ZNF768: variants seen among roughly 807,000 people sequenced by gnomAD.
ZNF768 encodes the protein zinc finger protein 768.
A neutral mutation model predicts 39.7 loss-of-function variants in ZNF768; 12 were observed. The ratio of observed to expected loss-of-function variants is 0.30; its 90% confidence interval spans 0.19 to 0.49. The LOEUF (loss-of-function observed/expected upper bound fraction) is 0.49, where lower values mean the gene tolerates loss of function less well. Ranked by LOEUF, ZNF768 falls within the 20% of genes least tolerant of loss-of-function variation. ZNF768 has a pLI of 0.99. For missense variants in ZNF768, 613 were observed against 723.2 expected, an observed-to-expected ratio of 0.85 and a Z score of 1.75; for synonymous variants, 360 against 288.4, an observed-to-expected ratio of 1.25 and a Z score of -2.52.
chr16:30,527,130 G>A, upstream of ZNF768: 1 of 985,350 alleles, frequency 1.0e-6, no homozygotes, highest in Non-Finnish European at 1.2e-6. Flanking sequence ...CGCCAGCGGG[G>A]GCGGTGTCTC....
rs768583807 is a variant in ZNF768 at position 30,525,036 on chromosome 16, G to A, written c.1104C>T (p.Ser368=). The change falls in exon 2 of 2, where the codon AGC becomes AGT. Residue 368 remains serine, a synonymous_variant. Transcript: ENST00000380412. ...SYLLRHQRTH[S]HERPYSCTEC... is the part of the protein sequence containing the mutation. ...CGGTGCAGCTGTAGGGCCGCTCGTG[G>A]CTGTGGGTGCGCTGGTGTCGCAGGA... 2 of 1,613,684 alleles carry A rather than the reference G, an allele frequency of 1.2e-6. No individual in the cohort carries two copies. The highest frequency in any genetic ancestry group is 1.7e-6 in the Non-Finnish European group (2 of 1,179,960).
Position 30,524,477 on chromosome 16 carries a change from A to G in ZNF768, c.*40T>C, listed in dbSNP as rs2051301062. ...GGTTCCTCTAGCTCCCTGGCCCCTT[A>G]TCTTCTGCCCACACCTCCCACCCCT... is the stretch of plus-strand genomic sequence containing the variant. On this transcript the variant is annotated 3_prime_UTR_variant, in exon 2 of 2. Transcript: ENST00000380412. 1 of 1,569,942 alleles carries G rather than the reference A, an allele frequency of 6.4e-7. No homozygotes were observed. Among genetic ancestry groups the G allele is most frequent in the African/African-American group, 1.4e-5 (1 of 73,932 alleles).
upstream of ZNF768, chr16:30,526,832 G>C (rs1241830615): frequency 4.3e-5 from 26 of 599,332 alleles, 1 homozygote; most frequent in African/African-American, 5.7e-4. Flanking sequence ...GTCCGTCCGC[G>C]GCCAGGTCCC....
rs2051298418 is a variant in ZNF768 at position 30,524,255 on chromosome 16, C to G, written c.*262G>C. 2.0e-6 allele frequency: 1 copy of G among 496,302 alleles called. No individual in the cohort carries two copies. 30.7% of individuals were successfully genotyped at this position (496,302 alleles called of 1,614,324 possible). On this transcript the variant is annotated 3_prime_UTR_variant, in exon 2 of 2. Transcript: ENST00000380412. ...TAGCAGTTGCCAAGCCAGGCACCCA[C>G]CAAGGAGCCGCGGCTGAGGCCAGCC...
In ZNF768 at chr16:30,524,499, C is replaced by A. The variant is rs370156113; in HGVS notation, c.*18G>T. On this transcript the variant is annotated 3_prime_UTR_variant, in exon 2 of 2. Transcript: ENST00000380412. ...CTTATCTTCTGCCCACACCTCCCACCCCTGCTGGGGCCCCAGGTCAGCGCC... is the reference window on the plus strand; with the variant it reads ...CTTATCTTCTGCCCACACCTCCCACACCTGCTGGGGCCCCAGGTCAGCGCC... 18 of 1,595,656 alleles carry A rather than the reference C, an allele frequency of 1.1e-5. No individual in the cohort carries two copies. The highest frequency in any genetic ancestry group is 1.5e-5 in the Non-Finnish European group (18 of 1,174,342).
chr16:30,526,354 T>G lies in ZNF768; in HGVS notation c.60A>C (p.Glu20Asp), dbSNP rs1405302869. 1.9e-6 allele frequency: 3 copies of G among 1,608,302 alleles called. No homozygotes were observed. The African/African-American group carries it at 4.0e-5, about 22-fold the overall frequency. Reference protein sequence around the residue: ...LEPQDVQSSDEMRSPEGYLRG... With the variant: ...LEPQDVQSSDDMRSPEGYLRG... ...TGAGGTACCCTTCGGGGCTCCTCAT[T>G]TCGTCAGAACTCTGCACATCCTGGG... The change falls in exon 1 of 2, where the codon GAA becomes GAC. Residue 20 changes from glutamate to aspartate, a missense_variant. Physicochemically the swap from Glu to Asp is conservative, Grantham distance 45. Around this residue, in one of 4 missense-constraint regions of ZNF768, gnomAD observed 347 missense variants for 326.1 expected, o/e 1.06. Transcript: ENST00000380412.
chr16:30,526,014 C>T lies in ZNF768; in HGVS notation c.126G>A (p.Gln42=). 6.7e-7 allele frequency: 1 copy of T among 1,497,246 alleles called. No individual in the cohort carries two copies. Among genetic ancestry groups the T allele is most frequent in the Non-Finnish European group, 8.9e-7 (1 of 1,126,450 alleles). The allele number at this position is 1,497,246 out of a possible 1,614,324, so 92.7% of individuals were successfully genotyped here. Reference sequence around the variant, plus strand: ...CTTCATAGTCCCCACTGCCTTCTTGCTGAGAAATTTCCTCTTCCTCATTCT... The same window carrying T: ...CTTCATAGTCCCCACTGCCTTCTTGTTGAGAAATTTCCTCTTCCTCATTCT... ...MSENEEEEIS[Q]QEGSGDYEVE... is the part of the protein sequence containing the mutation. Residue 42 remains glutamine (Q), a synonymous_variant, in exon 2 of 2, where the codon CAG becomes CAA. Coordinates refer to ENST00000380412, the MANE Select transcript of ZNF768 (RefSeq NM_024671.4).
At chr16:30,529,366 C>T (rs982822718), upstream of ZNF768, among the ~76,000 whole-genome samples, 1 of 152,356 alleles carries the variant, frequency 6.6e-6, no homozygotes, top group Non-Finnish European at 1.5e-5. Context: ...CTGGCATGCC[C>T]AGCACTAGGG....
upstream of ZNF768, chr16:30,527,351 A>G (rs919963981): frequency 2.1e-6 from 2 of 969,900 alleles, no homozygotes; most frequent in Non-Finnish European, 2.5e-6. Context: ...CTCGAGGGCT[A>G]GGATAGTTGC....
Position 30,525,023 on chromosome 16 carries a change from A to G in ZNF768, c.1117T>C (p.Tyr373His). ...CACTTGCCGCACTCGGTGCAGCTGT[A>G]GGGCCGCTCGTGGCTGTGGGTGCGC... ...HQRTHSHERP[Y>H]SCTECGKCYS... The change falls in exon 2 of 2, where the codon TAC becomes CAC. Residue 373 changes from tyrosine to histidine, a missense_variant. Physicochemically the swap from Tyr to His is moderately conservative, Grantham distance 83. Around this residue, in one of 4 missense-constraint regions of ZNF768, gnomAD observed 204 missense variants for 281.7 expected, o/e 0.72. Coordinates refer to ENST00000380412, the MANE Select transcript of ZNF768 (RefSeq NM_024671.4). The G allele has an allele frequency of 6.2e-7, 1 of 1,614,114 alleles. No homozygotes were observed. Among genetic ancestry groups the G allele is most frequent in the Middle Eastern group, 1.6e-4 (1 of 6,062 alleles).
At position 30,524,879 on chromosome 16, in the gene ZNF768, G is replaced by C; in HGVS notation, c.1261C>G (p.Arg421Gly). 2.5e-6 allele frequency: 4 copies of C among 1,611,764 alleles called. No homozygotes were observed. The highest frequency in any genetic ancestry group is 3.4e-6 in the Non-Finnish European group (4 of 1,179,806). ...AAGGGCTTCTCCCGGGCGTGGCTGCGGGCATGGGGGATAAGGGCCGACCGC... is the reference window on the plus strand; with the variant it reads ...AAGGGCTTCTCCCGGGCGTGGCTGCCGGCATGGGGGATAAGGGCCGACCGC... Reference protein sequence around the residue: ...SQRSALIPHARSHAREKPFKC... With the variant: ...SQRSALIPHAGSHAREKPFKC... The change falls in exon 2 of 2, where the codon CGC (arginine) becomes GGC (glycine). Residue 421 changes from arginine (R) to glycine (G), a missense_variant. Arg to Gly is a moderately radical substitution (Grantham distance 125, BLOSUM62 -2). Coordinates refer to ENST00000380412, the MANE Select transcript of ZNF768 (RefSeq NM_024671.4).
Position 30,525,958 on chromosome 16 carries a change from T to G in ZNF768, c.182A>C (p.Gln61Pro). ...GCTTTGTGGCTCAAACCCAGGGCTCTGGGGTTCAAGCCCAAATGGTATCTC... is the reference window on the plus strand; with the variant it reads ...GCTTTGTGGCTCAAACCCAGGGCTCGGGGGTTCAAGCCCAAATGGTATCTC... ...VEEIPFGLEP[Q>P]SPGFEPQSPE... is the part of the protein sequence containing the mutation. Residue 61 changes from glutamine (Q) to proline (P), a missense_variant, in exon 2 of 2, where the codon CAG (glutamine) becomes CCG (proline). This residue lies in a region of ZNF768 where 347 missense variants were observed against 326.1 expected (regional missense o/e 1.06). Coordinates refer to ENST00000380412, the MANE Select transcript of ZNF768 (RefSeq NM_024671.4). The G allele has an allele frequency of 1.3e-6, 2 of 1,511,644 alleles. No homozygotes were observed. The highest frequency in any genetic ancestry group is 1.8e-6 in the Non-Finnish European group (2 of 1,133,046). The allele number at this position is 1,511,644 out of a possible 1,614,324, so 93.6% of individuals were successfully genotyped here.
upstream of ZNF768, among the ~76,000 whole-genome samples, chr16:30,530,118 C>T (rs746391745): frequency 3.3e-5 from 5 of 152,040 alleles, no homozygotes; most frequent in Non-Finnish European, 5.9e-5. This position sits in a 1 kb window ranked among gnomAD's most constrained non-coding sequence, Gnocchi z 4.4. Context: ...TGTGAGCCAC[C>T]ACGCCCGGCC....
At position 30,525,315 on chromosome 16, in the gene ZNF768, G is replaced by T. The variant is rs766752472; in HGVS notation, c.825C>A (p.Thr275=). 1 of 1,614,088 alleles carries T rather than the reference G, an allele frequency of 6.2e-7. No homozygotes were observed. The highest frequency in any genetic ancestry group is 1.3e-5 in the African/African-American group (1 of 74,936). Residue 275 remains threonine, a synonymous_variant, in exon 2 of 2, where the codon ACC becomes ACA. Coordinates refer to ENST00000380412, the MANE Select transcript of ZNF768 (RefSeq NM_024671.4). ...TGTGGATGCGCTGGTGCTGGATCAG[G>T]GTGGAGCCCCGCCCGAAGCTCTTCC... ...ICGKSFGRGS[T]LIQHQRIHTG...
Position 30,524,734 on chromosome 16 carries a change from G to A in ZNF768, c.1406C>T (p.Ser469Phe). 1 of 1,567,998 alleles carries A rather than the reference G, an allele frequency of 6.4e-7. No homozygotes were observed. The highest frequency in any genetic ancestry group is 8.6e-7 in the Non-Finnish European group (1 of 1,158,908). ...CPDCGKTFNR[S>F]STLIQHQRSH... is the part of the protein sequence containing the mutation. ...GCGCTGGTGCTGGATGAGAGTGGAG[G>A]AGCGATTGAAGGTCTTGCCGCAGTC... The change falls in exon 2 of 2, where the codon TCC becomes TTC. Residue 469 changes from serine (S) to phenylalanine (F), a missense_variant. By Grantham distance (155) the Ser-to-Phe change is radical. This residue lies in a region of ZNF768 where 204 missense variants were observed against 281.7 expected (regional missense o/e 0.72). Coordinates refer to ENST00000380412, the MANE Select transcript of ZNF768 (RefSeq NM_024671.4).
At position 30,525,904 on chromosome 16, in the gene ZNF768, A is replaced by T. The variant is rs778158839; in HGVS notation, c.236T>A (p.Phe79Tyr). Residue 79 changes from phenylalanine to tyrosine, a missense_variant, in exon 2 of 2, where the codon TTT becomes TAT. Coordinates refer to ENST00000380412, the MANE Select transcript of ZNF768 (RefSeq NM_024671.4). ...SPEFEPQSPR[F>Y]EPESPGFESR... is the part of the protein sequence containing the mutation. ...CTCAAACCCCGGGCTTTCAGGCTCA[A>T]ATCTGGGGCTTTGGGGTTCAAACTC... 3.9e-6 allele frequency: 6 copies of T among 1,519,500 alleles called. No homozygotes were observed. The Admixed American group carries it at 1.1e-4, about 29-fold the overall frequency. 94.1% of individuals were successfully genotyped at this position (1,519,500 alleles called of 1,614,324 possible).
chr16:30,526,275 C>T (rs758878629), intron 1 of ZNF768, 51 bp downstream of exon 1: 4 of 1,604,314 alleles, frequency 2.5e-6, no homozygotes, highest in East Asian at 2.3e-5. Context: ...GGAGCCACAG[C>T]CCCTTCTCCT....
chr16:30,525,054 T>C lies in ZNF768; in HGVS notation c.1086A>G (p.Arg362=). The C allele has an allele frequency of 6.2e-7, 1 of 1,613,998 alleles. No homozygotes were observed. The highest frequency in any genetic ancestry group is 8.5e-7 in the Non-Finnish European group (1 of 1,179,968). The change falls in exon 2 of 2, where the codon CGA becomes CGG. Residue 362 remains arginine (R), a synonymous_variant. Transcript: ENST00000380412. ...GCTCGTGGCTGTGGGTGCGCTGGTG[T>C]CGCAGGAGGTAGGAGCTGTCGCCGA... ...KAFGDSSYLL[R]HQRTHSHERP...
chr16:30,526,582 C>G, upstream of ZNF768: 11 of 1,030,836 alleles, frequency 1.1e-5, no homozygotes, highest in Non-Finnish European at 1.3e-5. Context: ...CCGCGCCTCT[C>G]CAGCGCGCCG....
Sources: gnomAD v4.1 joint callset for allele counts (sites outside exome capture counted in the v4.1 genomes callset) on GRCh38, gnomAD v4.1.1 for gene constraint, gnomAD v4.1.1 regional missense constraint, Gnocchi (gnomAD v3.1) non-coding constraint, MANE v1.5 for transcripts, NCBI Gene and HGNC (gene_info 2026-07-23, HGNC 2026-07-21) for gene names.